Variants in LIN7A observed in about 807,000 individuals in gnomAD.
LIN7A encodes the protein lin-7 cell polarity scaffold A.
Under a neutral mutation model 29.8 loss-of-function variants are expected in LIN7A, and 25 were observed. The observed-to-expected ratio is 0.84, with a 90% confidence interval of 0.61 to 1.17. The LOEUF is 1.17. LIN7A is among the 50% of genes most tolerant of loss of function. The pLI is 0.00. For missense variants in LIN7A, 239 were observed against 287.0 expected, an observed-to-expected ratio of 0.83 and a Z score of 1.21; for synonymous variants, 118 against 107.5, an observed-to-expected ratio of 1.10 and a Z score of -0.60.
intron 2 of LIN7A, among the ~76,000 whole-genome samples, chr12:80,865,928 CTTAG>C (rs1290088782): frequency 1.3e-5 from 2 of 152,086 alleles, no homozygotes; most frequent in African/African-American, 2.4e-5. Flanking sequence ...TGGGCCATTT[CTTAG>C]TTAGTTTCCT....
chr12:80,811,477 GTTTTGTTGT>G lies in LIN7A; in HGVS notation c.681_689del (p.Gln228_Asn230del), dbSNP rs1482841675. On this transcript the variant is annotated inframe_deletion, in exon 5 of 6. Transcript: ENST00000552864. ...AGTCACTTCTCACCTATGACATGTG[GTTTTGTTGT>G]GTTTGTTGCTGCTGCTGCTGTTGCT... is the stretch of plus-strand genomic sequence containing the variant. 4.3e-5 allele frequency: 61 copies of G among 1,421,752 alleles called. No individual in the cohort carries two copies. The highest frequency in any genetic ancestry group is 5.8e-5 in the Non-Finnish European group (59 of 1,025,112). 88.1% of individuals were successfully genotyped at this position (1,421,752 alleles called of 1,614,324 possible). A position where few individuals can be genotyped will look rare whatever the true frequency, so the allele number is the denominator to read the frequency against.
chr12:80,889,087 T>A (rs1875487812), intron 2 of LIN7A, among the ~76,000 whole-genome samples, 164 bp downstream of exon 2: 1 of 152,112 alleles, frequency 6.6e-6, no homozygotes. Context: ...CTGGATCTAA[T>A]TTAGCAGGCT....
rs1384173517 is a variant in LIN7A at position 80,792,543 on chromosome 12, C to G, written c.*5184G>C. On this transcript the variant is annotated 3_prime_UTR_variant, in exon 6 of 6. Coordinates refer to ENST00000552864, the MANE Select transcript of LIN7A (RefSeq NM_004664.4). Reference sequence around the variant, plus strand: ...AGTTTGGTGTCTAATACTTTTACTTCCCAGCAGCATAATACCACTTTGGTC... The same window carrying G: ...AGTTTGGTGTCTAATACTTTTACTTGCCAGCAGCATAATACCACTTTGGTC... 4 of 152,154 alleles carry G rather than the reference C, an allele frequency of 2.6e-5. No homozygotes were observed. In the East Asian group the frequency reaches 7.7e-4, roughly 29 times the overall value. 9.4% of individuals were successfully genotyped at this position (152,154 alleles called of 1,614,324 possible).
At chr12:80,850,008 A>C (rs1481556507) in intron 2 of LIN7A, among the ~76,000 whole-genome samples, 1 of 152,152 alleles carries the variant, frequency 6.6e-6, no homozygotes, top group African/African-American at 2.4e-5. Context: ...TTAGCAAATA[A>C]TTGGAATATT....
chr12:80,931,348 A>G (rs915362546), intron 1 of LIN7A, among the ~76,000 whole-genome samples: 2 of 152,162 alleles, frequency 1.3e-5, no homozygotes, highest in Non-Finnish European at 2.9e-5. Context: ...TTAATTATCA[A>G]ATAAAAAACA....
intron 5 of LIN7A, among the ~76,000 whole-genome samples, chr12:80,811,050 G>GT (rs1327498781): frequency 1.3e-5 from 2 of 152,170 alleles, no homozygotes; most frequent in Non-Finnish European, 2.9e-5. Context: ...AGGTTGTGCA[G>GT]TTAATACACT....
intron 1 of LIN7A, among the ~76,000 whole-genome samples, chr12:80,914,367 A>G (rs1256423200): frequency 6.6e-6 from 1 of 152,170 alleles, no homozygotes; most frequent in Non-Finnish European, 1.5e-5. Context: ...TTATTTTACC[A>G]TGAAACTTTT....
intron 2 of LIN7A, among the ~76,000 whole-genome samples, chr12:80,869,255 C>T (rs527843133): frequency 2.0e-4 from 30 of 151,874 alleles, no homozygotes; most frequent in African/African-American, 6.5e-4. Context: ...CTCAAGTGAA[C>T]GCTTTGTGGG....
intron 1 of LIN7A, among the ~76,000 whole-genome samples, chr12:80,933,207 A>C (rs1878010660): frequency 6.6e-6 from 1 of 152,214 alleles, no homozygotes; most frequent in Non-Finnish European, 1.5e-5. Flanking sequence ...TAGCCTTGTA[A>C]TACAAAGAAG....
intron 4 of LIN7A, among the ~76,000 whole-genome samples, chr12:80,837,818 T>C (rs1323792979): frequency 6.6e-6 from 1 of 151,666 alleles, no homozygotes; most frequent in South Asian, 2.1e-4. Context: ...TTTATATGTA[T>C]GTATTTATCA....
chr12:80,913,895 T>C (rs888547647), intron 1 of LIN7A, among the ~76,000 whole-genome samples: 3 of 152,250 alleles, frequency 2.0e-5, no homozygotes, highest in African/African-American at 7.2e-5. Flanking sequence ...TCTATCATTA[T>C]ATATTATTTG....
At chr12:80,808,565 A>G (rs1224067439) in intron 5 of LIN7A, among the ~76,000 whole-genome samples, 1 of 146,186 alleles carries the variant, frequency 6.8e-6, no homozygotes, top group African/African-American at 2.6e-5. Flanking sequence ...GAGTGCAGTG[A>G]CGCGATCTCG....
intron 5 of LIN7A, among the ~76,000 whole-genome samples, chr12:80,807,066 T>TTTTTTTGTTTTTTTTTTTTTTTGTTG: frequency 2.0e-5 from 1 of 50,152 alleles, no homozygotes; most frequent in Non-Finnish European, 4.0e-5. Flanking sequence ...AGATGGAGTT[T>TTTTTTTGTTTTTTTTTTTTTTTGTTG]TTTTTTTTTT....
chr12:80,910,063 T>C (rs1236633270), intron 1 of LIN7A, among the ~76,000 whole-genome samples: 1 of 152,174 alleles, frequency 6.6e-6, no homozygotes, highest in Non-Finnish European at 1.5e-5. Flanking sequence ...TTAATTTCTG[T>C]CAACAATGTT....
intron 2 of LIN7A, among the ~76,000 whole-genome samples, chr12:80,878,539 CAA>C (rs1874841171): frequency 6.6e-6 from 1 of 152,120 alleles, no homozygotes; most frequent in Non-Finnish European, 1.5e-5. Flanking sequence ...GGCACAGACC[CAA>C]AGAGTGAGCA....
chr12:80,891,839 AG>A (rs1212912509), intron 1 of LIN7A, among the ~76,000 whole-genome samples: 1 of 152,206 alleles, frequency 6.6e-6, no homozygotes, highest in Non-Finnish European at 1.5e-5. Context: ...TGCAGATCAA[AG>A]GCTTGTTAAG....
intron 1 of LIN7A, 68 bp downstream of exon 1, chr12:80,937,573 A>G: frequency 8.6e-7 from 1 of 1,168,708 alleles, no homozygotes; most frequent in Non-Finnish European, 1.2e-6. Context: ...CCCGTTGGGA[A>G]TTGGCAGGCG....
At chr12:80,886,968 G>A (rs548355029) in intron 2 of LIN7A, among the ~76,000 whole-genome samples, 1 of 151,966 alleles carries the variant, frequency 6.6e-6, no homozygotes, top group Non-Finnish European at 1.5e-5. Flanking sequence ...TTCAGACTTA[G>A]ATGCCTGTTA....
In LIN7A at chr12:80,794,397, T is replaced by C. The variant is rs1412423521; in HGVS notation, c.*3330A>G. On this transcript the variant is annotated 3_prime_UTR_variant, in exon 6 of 6. Transcript: ENST00000552864. Reference sequence around the variant, plus strand: ...TCTAAGTTGTCTAAAGCTGGTCTTATGAACAGGCTGTGTCTGTATGATAAA... The same window carrying C: ...TCTAAGTTGTCTAAAGCTGGTCTTACGAACAGGCTGTGTCTGTATGATAAA... 1.3e-5 allele frequency: 2 copies of C among 152,182 alleles called. No individual in the cohort carries two copies. Among genetic ancestry groups the C allele is most frequent in the Non-Finnish European group, 2.9e-5 (2 of 68,018 alleles). The allele number at this position is 152,182 out of a possible 1,614,324, so 9.4% of individuals were successfully genotyped here. A position where few individuals can be genotyped will look rare whatever the true frequency, so the allele number is the denominator to read the frequency against.
Sources: allele counts gnomAD v4.1 joint callset (sites outside exome capture counted in the v4.1 genomes callset), GRCh38; gene constraint gnomAD v4.1.1; transcripts MANE v1.5; gene names NCBI Gene and HGNC (gene_info 2026-07-23, HGNC 2026-07-21).